Variants in RBFOX3 observed in about 807,000 individuals in gnomAD.
The protein encoded by RBFOX3 is RNA binding protein fox-1 homolog 3.
Under a neutral mutation model 48.7 loss-of-function variants are expected in RBFOX3, and 17 were observed. The ratio of observed to expected loss-of-function variants is 0.35; its 90% CI spans 0.24 to 0.52. The LOEUF (loss-of-function observed/expected upper bound fraction) is 0.52, where lower values mean the gene tolerates loss of function less well. Among genes scored for constraint, RBFOX3 ranks in the 20% least tolerant of loss-of-function variants. The pLI, the probability that RBFOX3 is intolerant of heterozygous loss-of-function variation, is 0.94. For missense variants in RBFOX3, 382 were observed against 497.5 expected, an observed-to-expected ratio of 0.77 and a Z score of 2.21; for synonymous variants, 212 against 209.5, an observed-to-expected ratio of 1.01 and a Z score of -0.10.
At position 79,287,914 on chromosome 17, in the gene RBFOX3, G is replaced by A. The variant is rs555880494; in HGVS notation, c.-74+19810C>T. Among the ~76,000 whole-genome samples, 5 of 152,310 alleles carry A rather than the reference G, an allele frequency of 3.3e-5. No homozygotes were observed. In the East Asian group the frequency reaches 9.7e-4, roughly 29 times the overall value. On this transcript the variant is annotated intron_variant, in intron 3 of 14. Transcript: ENST00000693108. ...GATTGTCACATTGCGGCACGTCGCAGACAGTGAGTGCGGCTGTGCATGGGA... is the reference window on the plus strand; with the variant it reads ...GATTGTCACATTGCGGCACGTCGCAAACAGTGAGTGCGGCTGTGCATGGGA...
At chr17:79,173,862 C>T (rs2049924950) in intron 4 of RBFOX3, among the ~76,000 whole-genome samples, 2 of 150,738 alleles carry the variant, frequency 1.3e-5, no homozygotes, top group Admixed American at 6.6e-5. Context: ...AGACCCTCTC[C>T]CCACGCTGAG....
intron 1 of RBFOX3, among the ~76,000 whole-genome samples, chr17:79,593,032 G>T (rs1327552833): frequency 6.6e-6 from 1 of 152,110 alleles, no homozygotes; most frequent in African/African-American, 2.4e-5. Context: ...TCGGAGGTGG[G>T]GGTCAGGGAA....
intron 2 of RBFOX3, among the ~76,000 whole-genome samples, chr17:79,436,494 G>A (rs1365741927): frequency 3.9e-5 from 6 of 152,214 alleles, no homozygotes; most frequent in Non-Finnish European, 1.5e-5. Context: ...AGGGCAGCTG[G>A]AGAGCTGGCA....
intron 4 of RBFOX3, among the ~76,000 whole-genome samples, chr17:79,161,847 C>A (rs1016918193): frequency 3.9e-5 from 6 of 152,214 alleles, no homozygotes; most frequent in African/African-American, 1.4e-4. Flanking sequence ...CCTGCCTCAG[C>A]CTCCCAAAAT....
At chr17:79,467,862 C>T (rs2076520930) in intron 2 of RBFOX3, among the ~76,000 whole-genome samples, 1 of 152,060 alleles carries the variant, frequency 6.6e-6, no homozygotes, top group East Asian at 1.9e-4. Context: ...TTGGCCTCCT[C>T]CTCTGCTTGC....
At chr17:79,106,587 TG>T in intron 6 of RBFOX3, 63 bp downstream of exon 6, 1 of 1,395,088 alleles carries the variant, frequency 7.2e-7, no homozygotes. Context: ...GCAGGGCCTG[TG>T]GGCGCCACCC....
At chr17:79,630,940 C>G in the RBFOX3 span, among the ~76,000 whole-genome samples, 1 of 152,180 alleles carries the variant, frequency 6.6e-6, no homozygotes, top group Non-Finnish European at 1.5e-5. Flanking sequence ...AAAAGCACGA[C>G]AGCCCCCGCC....
rs1315525040 is a variant in RBFOX3, at chr17:79,344,850, C to T, written c.-174-37026G>A. On this transcript the variant is annotated intron_variant, in intron 2 of 14. Coordinates refer to ENST00000693108, the MANE Select transcript of RBFOX3 (RefSeq NM_001350451.2). The stretch of plus-strand genomic sequence containing the variant: ...GGATTACAGGCATGAGCCACCACGC[C>T]CGGCCATCTGTTTGCTTTTCAACCC... Among the ~76,000 whole-genome samples the T allele has an allele frequency of 2.0e-5, 3 of 152,134 alleles. No homozygotes were observed. The East Asian group carries it at 5.8e-4, about 29-fold the overall frequency.
intron 2 of RBFOX3, among the ~76,000 whole-genome samples, chr17:79,335,886 T>C (rs977725871): frequency 6.6e-6 from 1 of 152,222 alleles, no homozygotes; most frequent in Non-Finnish European, 1.5e-5. Flanking sequence ...TGTTCAATAT[T>C]GGAACTTTCC....
At chr17:79,264,327 C>T (rs1418157118) in intron 3 of RBFOX3, among the ~76,000 whole-genome samples, 2 of 151,762 alleles carry the variant, frequency 1.3e-5, no homozygotes, top group African/African-American at 2.4e-5. Context: ...CCATGTGCGT[C>T]GCCCTCCCAA....
At chr17:79,560,880 C>T (rs1357940526) in intron 1 of RBFOX3, among the ~76,000 whole-genome samples, 2 of 152,208 alleles carry the variant, frequency 1.3e-5, no homozygotes, top group African/African-American at 4.8e-5. Flanking sequence ...AGGAAGGATG[C>T]TTGGTCCCAT....
chr17:79,424,779 G>A (rs782234950), intron 2 of RBFOX3, among the ~76,000 whole-genome samples: 3 of 152,242 alleles, frequency 2.0e-5, no homozygotes, highest in Admixed American at 6.5e-5. Context: ...CATCCCTTGG[G>A]ATCCTCAAAC....
chr17:79,118,720 C>T (rs527784627), intron 4 of RBFOX3, among the ~76,000 whole-genome samples: 1 of 152,070 alleles, frequency 6.6e-6, no homozygotes, highest in African/African-American at 2.4e-5. Context: ...TTCCTGTAAT[C>T]CCAGCACTTT....
At chr17:79,289,987 C>G (rs1199691065) in intron 3 of RBFOX3, among the ~76,000 whole-genome samples, 3 of 152,206 alleles carry the variant, frequency 2.0e-5, no homozygotes, top group Non-Finnish European at 4.4e-5. Flanking sequence ...ACAGACACAC[C>G]TCCAACAGGT....
At chr17:79,458,596 TAA>T (rs35373564) in intron 2 of RBFOX3, among the ~76,000 whole-genome samples, 48 of 148,398 alleles carry the variant, frequency 3.2e-4, no homozygotes, top group African/African-American at 5.0e-4. Flanking sequence ...TTTATTTAAT[TAA>T]AAAAAAAAAA....
Position 79,390,877 on chromosome 17 carries a change from C to T in RBFOX3, c.-174-83053G>A, listed in dbSNP as rs115677405. On this transcript the variant is annotated intron_variant, in intron 2 of 14. Transcript: ENST00000693108. The surrounding 1 kb of genome is among the most constrained non-coding windows in gnomAD (Gnocchi z 4.2). Reference sequence around the variant, plus strand: ...AGGAGGCACCTTCCTGCCCAGACACCTCGGGATGAGCCCCTGGTGGGACTG... The same window carrying T: ...AGGAGGCACCTTCCTGCCCAGACACTTCGGGATGAGCCCCTGGTGGGACTG... Among the ~76,000 whole-genome samples the T allele has an allele frequency of 2.1e-3, 320 of 152,306 alleles. 3 individuals are homozygous for T. Among genetic ancestry groups the T allele is most frequent in the African/African-American group, 7.4e-3 (307 of 41,574 alleles).
chr17:79,092,212 G>T (rs2074057260), intron 14 of RBFOX3: 1 of 985,548 alleles, frequency 1.0e-6, no homozygotes, highest in Non-Finnish European at 1.2e-6. Flanking sequence ...CAGGAAATGT[G>T]GCTCTTGCCC....
chr17:79,499,209 T>C (rs2082053977), intron 1 of RBFOX3, among the ~76,000 whole-genome samples: 1 of 149,396 alleles, frequency 6.7e-6, no homozygotes, highest in Non-Finnish European at 1.5e-5. Flanking sequence ...ATCATACATA[T>C]ACCTACTCAT....
At chr17:79,304,418 CAT>C (rs1257479157) in intron 3 of RBFOX3, among the ~76,000 whole-genome samples, 1 of 148,784 alleles carries the variant, frequency 6.7e-6, no homozygotes, top group Non-Finnish European at 1.5e-5. Flanking sequence ...CATATATGTA[CAT>C]ATATATTTTG....
Sources: allele counts gnomAD v4.1 joint callset (sites outside exome capture counted in the v4.1 genomes callset), GRCh38; gene constraint gnomAD v4.1.1; non-coding constraint Gnocchi (gnomAD v3.1); transcripts MANE v1.5; gene names NCBI Gene and HGNC (gene_info 2026-07-23, HGNC 2026-07-21).